Variants in EDIL3 observed in about 807,000 individuals in gnomAD.
EDIL3 encodes EGF-like repeat and discoidin I-like domain-containing protein 3.
In EDIL3, 37 loss-of-function variants were observed where a neutral mutation model predicts 67.4. The observed-to-expected ratio is 0.55, with a 90% CI of 0.42 to 0.72. The LOEUF is 0.72. Ranked by LOEUF, EDIL3 falls within the 30% of genes least tolerant of loss-of-function variation. EDIL3 has a pLI of 0.00. For missense variants in EDIL3, 527 were observed against 586.3 expected, an observed-to-expected ratio of 0.90 and a Z score of 1.04; for synonymous variants, 195 against 196.3, an observed-to-expected ratio of 0.99 and a Z score of 0.05.
chr5:83,976,438 T>C (rs1744877802), intron 9 of EDIL3, among the ~76,000 whole-genome samples: 1 of 151,940 alleles, frequency 6.6e-6, no homozygotes, highest in Non-Finnish European at 1.5e-5. Flanking sequence ...TTAATGAATG[T>C]GTCAAACATT....
chr5:84,048,835 G>A (rs1300335635), intron 9 of EDIL3, among the ~76,000 whole-genome samples: 1 of 152,006 alleles, frequency 6.6e-6, no homozygotes, highest in Non-Finnish European at 1.5e-5. Context: ...TTTGAGTGCA[G>A]TTTGTTTAGT....
chr5:84,321,049 C>G (rs1231785817), intron 1 of EDIL3, among the ~76,000 whole-genome samples: 1 of 152,044 alleles, frequency 6.6e-6, no homozygotes, highest in African/African-American at 2.4e-5. Flanking sequence ...ATATTGTGAT[C>G]TGATTTTCAA....
At chr5:83,960,504 A>G (rs1287389712) in intron 10 of EDIL3, among the ~76,000 whole-genome samples, 1 of 151,010 alleles carries the variant, frequency 6.6e-6, no homozygotes, top group East Asian at 1.9e-4. Context: ...AGCACCCCAA[A>G]TATGCACAAG....
intron 1 of EDIL3, among the ~76,000 whole-genome samples, chr5:84,287,638 CA>C (rs1012069068): frequency 4.6e-5 from 7 of 152,082 alleles, no homozygotes; most frequent in African/African-American, 1.2e-4. Context: ...TACAAGATCA[CA>C]GGGGGAAATG....
intron 3 of EDIL3, among the ~76,000 whole-genome samples, chr5:84,210,135 A>G (rs188759817): frequency 1.9e-4 from 29 of 152,328 alleles, no homozygotes; most frequent in Admixed American, 3.3e-4. Context: ...ACAAAATTAA[A>G]CTTTGGCTTC....
chr5:84,361,332 C>T (rs17284978), intron 1 of EDIL3, among the ~76,000 whole-genome samples: 40,989 of 151,450 alleles, frequency 0.27, 6,861 homozygotes, highest in Middle Eastern at 0.39. Flanking sequence ...AGATGAATGT[C>T]TTGCTATACA....
At chr5:84,303,217 G>A (rs1335752376) in intron 1 of EDIL3, among the ~76,000 whole-genome samples, 3 of 152,154 alleles carry the variant, frequency 2.0e-5, no homozygotes, top group Admixed American at 2.0e-4. Flanking sequence ...TCTTTACTAT[G>A]TGTGATAGCT....
At chr5:84,212,538 C>G (rs1744144808) in intron 3 of EDIL3, among the ~76,000 whole-genome samples, 1 of 152,126 alleles carries the variant, frequency 6.6e-6, no homozygotes, top group Non-Finnish European at 1.5e-5. Flanking sequence ...TTCTCAGTTA[C>G]CTACCACAGA....
At chr5:84,284,426 C>T (rs1411165483) in intron 1 of EDIL3, among the ~76,000 whole-genome samples, 5 of 151,992 alleles carry the variant, frequency 3.3e-5, no homozygotes, top group Non-Finnish European at 7.4e-5. Context: ...TTTACTGGTC[C>T]CCTGTGCCTC....
intron 1 of EDIL3, among the ~76,000 whole-genome samples, chr5:84,260,595 T>G (rs1287132249): frequency 6.6e-6 from 1 of 152,212 alleles, no homozygotes; most frequent in African/African-American, 2.4e-5. Flanking sequence ...AATGTACTTA[T>G]GAATTTACAT....
At chr5:84,306,766 T>G (rs1281073966) in intron 1 of EDIL3, among the ~76,000 whole-genome samples, 2 of 152,216 alleles carry the variant, frequency 1.3e-5, no homozygotes, top group African/African-American at 4.8e-5. Flanking sequence ...GATGATTTAA[T>G]CAGCAGCTGT....
intron 5 of EDIL3, among the ~76,000 whole-genome samples, chr5:84,126,945 C>A (rs537303853): frequency 2.6e-5 from 4 of 152,082 alleles, no homozygotes; most frequent in African/African-American, 9.6e-5. Context: ...AAGTTACTGC[C>A]AAGTAAGTAT....
At chr5:83,982,797 A>T (rs1744993950) in intron 9 of EDIL3, among the ~76,000 whole-genome samples, 1 of 152,148 alleles carries the variant, frequency 6.6e-6, no homozygotes, top group African/African-American at 2.4e-5. Flanking sequence ...AAGCTATGTG[A>T]CTTTTTCAAG....
chr5:84,361,614 G>A (rs1024703188), intron 1 of EDIL3, among the ~76,000 whole-genome samples: 2 of 150,950 alleles, frequency 1.3e-5, no homozygotes. Context: ...ATATCTTACT[G>A]TACTTATTTT....
chr5:84,279,759 C>T (rs10061047), intron 1 of EDIL3, among the ~76,000 whole-genome samples: 1,692 of 152,212 alleles, frequency 0.011, 29 homozygotes, highest in African/African-American at 0.039. Context: ...ATATTTCTTC[C>T]GCCCTCTCTG....
chr5:84,254,735 G>A (rs1007549481), intron 1 of EDIL3, among the ~76,000 whole-genome samples: 3 of 152,192 alleles, frequency 2.0e-5, no homozygotes, highest in African/African-American at 7.2e-5. Context: ...CTCTTGGAGT[G>A]CTGAGATCGT....
chr5:84,299,516 CT>C (rs531062029), intron 1 of EDIL3, among the ~76,000 whole-genome samples: 50 of 152,258 alleles, frequency 3.3e-4, no homozygotes, highest in African/African-American at 1.0e-3. Flanking sequence ...CTTAAATTAC[CT>C]TTTTTCCCCC....
chr5:84,069,599 C>T (rs1173957060), intron 6 of EDIL3, among the ~76,000 whole-genome samples: 1 of 151,922 alleles, frequency 6.6e-6, no homozygotes, highest in Non-Finnish European at 1.5e-5. Flanking sequence ...ATTTTCTTTA[C>T]ATCTTCTGCC....
intron 3 of EDIL3, among the ~76,000 whole-genome samples, chr5:84,182,342 G>A (rs1244462068): frequency 6.6e-6 from 1 of 151,576 alleles, no homozygotes. Flanking sequence ...TGTAGTCCCA[G>A]CTACTTAGGA....
Sources: allele counts gnomAD v4.1 joint callset (sites outside exome capture counted in the v4.1 genomes callset), GRCh38; gene constraint gnomAD v4.1.1; transcripts MANE v1.5; gene names NCBI Gene and HGNC (gene_info 2026-07-23, HGNC 2026-07-21).